Variants in ZNF483 observed in about 807,000 individuals in gnomAD.
ZNF483 encodes zinc finger protein HIT-10.
ZNF483 carries 9 observed loss-of-function variants against 28.6 expected under a neutral mutation model. The observed-to-expected ratio is 0.32, with a 90% CI of 0.19 to 0.55. The LOEUF is 0.55. ZNF483 is among the 20% of genes least tolerant of loss of function. ZNF483 has a pLI of 0.93. For missense variants in ZNF483, 675 were observed against 871.7 expected (o/e 0.77, Z 2.84); for synonymous variants, 322 against 306.2 (o/e 1.05, Z -0.54).
At position 111,527,304 on chromosome 9, in the gene ZNF483, T is replaced by G; in HGVS notation, c.-92T>G. The G allele has an allele frequency of 2.9e-5, 39 of 1,365,898 alleles. No homozygotes were observed. The highest frequency in any genetic ancestry group is 3.5e-5 in the Non-Finnish European group (35 of 1,001,688). 84.6% of individuals were successfully genotyped at this position (1,365,898 alleles called of 1,614,324 possible). A position where few individuals can be genotyped will look rare whatever the true frequency, so the allele number is the denominator to read the frequency against. ...CTGTAAACTGGATTCCTGGAACCTTTGATATTCCTGGCTGTGTATAGTGCC... is the reference window on the plus strand; with the variant it reads ...CTGTAAACTGGATTCCTGGAACCTTGGATATTCCTGGCTGTGTATAGTGCC... On this transcript the variant is annotated 5_prime_UTR_variant, in exon 2 of 6. An upstream open reading frame in the 5' UTR loses its in-frame stop. Coordinates refer to ENST00000309235, the MANE Select transcript of ZNF483 (RefSeq NM_133464.5).
intron 5 of ZNF483, among the ~76,000 whole-genome samples, chr9:111,565,650 A>C (rs1344302688): frequency 6.6e-6 from 1 of 151,998 alleles, no homozygotes; most frequent in East Asian, 1.9e-4. Flanking sequence ...CAGCCTCCCG[A>C]GTAGCTGGGA....
At position 111,527,534 on chromosome 9, in the gene ZNF483, GA is replaced by G. The variant is rs1185816363; in HGVS notation, c.140del (p.Asp47ValfsTer17). The G allele has an allele frequency of 6.2e-7, 1 of 1,614,230 alleles. No individual in the cohort carries two copies. On this transcript the variant is annotated frameshift_variant, in exon 2 of 6. Coordinates refer to ENST00000309235, the MANE Select transcript of ZNF483 (RefSeq NM_133464.5). LOFTEE classifies it high-confidence loss of function. ...QEAILRGNAA[D>X]AESFRQRFRW... is the part of the protein sequence containing the mutation. Reference sequence around the variant, plus strand: ...AGCTATTTTAAGAGGAAATGCTGCTGATGCAGAGTCTTTCAGACAGAGGTTT... The same window carrying G: ...AGCTATTTTAAGAGGAAATGCTGCTGTGCAGAGTCTTTCAGACAGAGGTTT...
At chr9:111,530,522 G>T (rs750934494) in intron 2 of ZNF483, among the ~76,000 whole-genome samples, 2 of 151,738 alleles carry the variant, frequency 1.3e-5, no homozygotes, top group African/African-American at 2.4e-5. Flanking sequence ...CATCTGAAGT[G>T]GAGGTCAGTC....
At chr9:111,531,269 C>T (rs1453363752) in intron 3 of ZNF483, among the ~76,000 whole-genome samples, 1 of 152,188 alleles carries the variant, frequency 6.6e-6, no homozygotes, top group Non-Finnish European at 1.5e-5. Context: ...AATTTTGTTT[C>T]AGTTCACAGA....
intron 5 of ZNF483, chr9:111,574,649 C>G: frequency 1.3e-6 from 1 of 774,548 alleles, no homozygotes; most frequent in Non-Finnish European, 2.0e-6. Flanking sequence ...CTAATAATTT[C>G]AGAGTCACTG....
At position 111,552,166 on chromosome 9, in the gene ZNF483, AT is replaced by A. The variant is rs1827984526; in HGVS notation, c.*8999del. On this transcript the variant is annotated 3_prime_UTR_variant, in exon 6 of 6. Coordinates refer to ENST00000309235, the MANE Select transcript of ZNF483 (RefSeq NM_133464.5). ...GTCTTTGATTGAATATTTGGTAAGC[AT>A]TTCTTTTGTTTCAAGGAAATCTTGA... Among the ~76,000 whole-genome samples the A allele has an allele frequency of 6.6e-6, 1 of 152,184 alleles. No homozygotes were observed.
chr9:111,573,322 T>G (rs1399990360), intron 5 of ZNF483, among the ~76,000 whole-genome samples: 1 of 152,202 alleles, frequency 6.6e-6, no homozygotes, highest in Non-Finnish European at 1.5e-5. Flanking sequence ...CAAGTAAATC[T>G]GGAGTTTCCT....
chr9:111,528,621 T>G (rs1410431333), intron 2 of ZNF483, among the ~76,000 whole-genome samples: 2 of 152,188 alleles, frequency 1.3e-5, no homozygotes, highest in Admixed American at 1.3e-4. Context: ...ATTTGGAATA[T>G]TTGTAGTATA....
Position 111,576,504 on chromosome 9 carries a change from G to C in ZNF483, c.*90G>C, listed in dbSNP as rs145297666. On this transcript the variant is annotated 3_prime_UTR_variant, in exon 6 of 6. Coordinates refer to the ZNF483 transcript ENST00000358151. Reference sequence around the variant, plus strand: ...GTGCAGTTCAAGAGGCTCTGGTTCGGGGAAGAGCTGGATGGAGTATGAATC... The same window carrying C: ...GTGCAGTTCAAGAGGCTCTGGTTCGCGGAAGAGCTGGATGGAGTATGAATC... 1.1e-4 allele frequency: 179 copies of C among 1,556,660 alleles called. No homozygotes were observed. The African/African-American group carries it at 2.2e-3, about 20-fold the overall frequency.
chr9:111,563,334 T>C, intron 5 of ZNF483: 1 of 1,202,144 alleles, frequency 8.3e-7, no homozygotes. Context: ...ATTGGAAACC[T>C]TGAAAATAAG....
At chr9:111,537,443 CCT>C (rs1203421714) in intron 5 of ZNF483, among the ~76,000 whole-genome samples, 2 of 151,912 alleles carry the variant, frequency 1.3e-5, no homozygotes, top group African/African-American at 4.8e-5. Flanking sequence ...GAGCTCCTGA[CCT>C]CAAGTGATCT....
intron 1 of ZNF483, among the ~76,000 whole-genome samples, chr9:111,526,013 C>T (rs1827177588): frequency 6.6e-6 from 1 of 152,098 alleles, no homozygotes; most frequent in Non-Finnish European, 1.5e-5. Context: ...CACGCCTGGC[C>T]CCGCAGCTCA....
chr9:111,542,585 C>T lies in ZNF483; in HGVS notation c.1650C>T (p.Pro550=), dbSNP rs368267174. The T allele has an allele frequency of 6.8e-6, 11 of 1,613,894 alleles. No individual in the cohort carries two copies. Among genetic ancestry groups the T allele is most frequent in the African/African-American group, 6.7e-5 (5 of 74,892 alleles). ...AGCGAATTCATACTGGAGAAAAACCCTATACATGTAGCAATTGTGGAAAAT... is the reference window on the plus strand; with the variant it reads ...AGCGAATTCATACTGGAGAAAAACCTTATACATGTAGCAATTGTGGAAAAT... ...QHQRIHTGEK[P]YTCSNCGKSF... Residue 550 remains proline, a synonymous_variant, in exon 6 of 6, where the codon CCC becomes CCT. Transcript: ENST00000309235. The surrounding 1 kb of genome is among the most constrained non-coding windows in gnomAD (Gnocchi z 6.2).
intron 5 of ZNF483, among the ~76,000 whole-genome samples, chr9:111,537,262 C>T (rs568183855): frequency 4.0e-5 from 6 of 151,702 alleles, no homozygotes; most frequent in African/African-American, 7.3e-5. Flanking sequence ...CACTCTGTCA[C>T]GCAGGCTGGA....
chr9:111,544,198 CAG>C lies in ZNF483; in HGVS notation c.*1031_*1032del. 5 of 985,400 alleles carry C rather than the reference CAG, an allele frequency of 5.1e-6. No homozygotes were observed. Among genetic ancestry groups the C allele is most frequent in the Non-Finnish European group, 4.8e-6 (4 of 829,966 alleles). 61.0% of individuals were successfully genotyped at this position (985,400 alleles called of 1,614,324 possible). ...TGGGGGTAAGGAAATGTGCTGAAGA[CAG>C]AGCTATTCTGGATGGATTTTGGTTT... On this transcript the variant is annotated 3_prime_UTR_variant, in exon 6 of 6. Transcript: ENST00000309235.
rs1827839961 is a variant in ZNF483 at position 111,547,824 on chromosome 9, A to G, written c.*4654A>G. ...GATTTTTATGTATGGTAAAGGGTCC[A>G]TCTTCATTCTTTTGCATGCGAATAT... On this transcript the variant is annotated 3_prime_UTR_variant, in exon 6 of 6. Coordinates refer to ENST00000309235, the MANE Select transcript of ZNF483 (RefSeq NM_133464.5). Among the ~76,000 whole-genome samples, 2 of 152,124 alleles carry G rather than the reference A, an allele frequency of 1.3e-5. No homozygotes were observed. The highest frequency in any genetic ancestry group is 1.3e-4 in the Admixed American group (2 of 15,268).
At position 111,527,771 on chromosome 9, in the gene ZNF483, C is replaced by G; in HGVS notation, c.376C>G (p.Leu126Val). 1 of 1,614,014 alleles carries G rather than the reference C, an allele frequency of 6.2e-7. No individual in the cohort carries two copies. The highest frequency in any genetic ancestry group is 8.5e-7 in the Non-Finnish European group (1 of 1,180,010). ...HPESSEEVVT[L>V]IEDLTQMLEE... ...TGAGAGTAGTGAGGAAGTGGTGACC[C>G]TAATAGAAGATTTGACCCAGATGCT... The change falls in exon 2 of 6, where the codon CTA (leucine) becomes GTA (valine). Residue 126 changes from leucine (L) to valine (V), a missense_variant. Leu to Val is a conservative substitution (Grantham distance 32). Coordinates refer to ENST00000309235, the MANE Select transcript of ZNF483 (RefSeq NM_133464.5).
At chr9:111,561,106 T>TAG (rs1240649497) in intron 5 of ZNF483, among the ~76,000 whole-genome samples, 267 of 23,158 alleles carry the variant, frequency 0.012, 38 homozygotes, top group South Asian at 0.04. Context: ...TATATATATA[T>TAG]ATATAGAGAG....
rs1242026207 is a variant in ZNF483, at chr9:111,545,774, G to A, written c.*2604G>A. Among the ~76,000 whole-genome samples the A allele has an allele frequency of 1.3e-5, 2 of 152,072 alleles. No individual in the cohort carries two copies. Among genetic ancestry groups the A allele is most frequent in the African/African-American group, 4.8e-5 (2 of 41,394 alleles). ...ATATTACATTATGTGGATGCTTCGT[G>A]CATTCACTAGTTGAAGAACATTTGA... On this transcript the variant is annotated 3_prime_UTR_variant, in exon 6 of 6. Coordinates refer to ENST00000309235, the MANE Select transcript of ZNF483 (RefSeq NM_133464.5).
Sources: allele counts gnomAD v4.1 joint callset (sites outside exome capture counted in the v4.1 genomes callset), GRCh38; gene constraint gnomAD v4.1.1; non-coding constraint Gnocchi (gnomAD v3.1); transcripts MANE v1.5; gene names NCBI Gene and HGNC (gene_info 2026-07-23, HGNC 2026-07-21).